TET1: variants seen among roughly 807,000 people sequenced by gnomAD.
The protein encoded by TET1 is tet methylcytosine dioxygenase 1.
In TET1, 13 loss-of-function variants were observed where a neutral mutation model predicts 148.7. That is an observed-to-expected ratio of 0.09 (90% CI 0.06 to 0.14). TET1 has a LOEUF of 0.14. TET1 is among the 10% of genes least tolerant of loss of function. The pLI, the probability that TET1 is intolerant of heterozygous loss-of-function variation, is 1.00. For missense variants in TET1, 2,182 were observed against 2,553.8 expected (o/e 0.85, Z 3.14); for synonymous variants, 907 against 937.2 (o/e 0.97, Z 0.59).
chr10:68,587,484 T>A (rs2053873690), intron 2 of TET1, among the ~76,000 whole-genome samples: 1 of 152,222 alleles, frequency 6.6e-6, no homozygotes, highest in Non-Finnish European at 1.5e-5. Flanking sequence ...GTTAAGTTGC[T>A]TTCCTTATTT....
Position 68,690,915 on chromosome 10 carries a change from C to A in TET1, c.5512C>A (p.Pro1838Thr). 1 of 1,614,244 alleles carries A rather than the reference C, an allele frequency of 6.2e-7. No individual in the cohort carries two copies. Among genetic ancestry groups the A allele is most frequent in the Non-Finnish European group, 8.5e-7 (1 of 1,180,040 alleles). ...AACTTATTCGCTGATGCCATCCGCT[C>A]CTCACCCAGTGAAAGAGGCATCTCC... ...TKTYSLMPSA[P>T]HPVKEASPGF... is the part of the protein sequence containing the mutation. Residue 1838 changes from proline to threonine, a missense_variant, in exon 12 of 12, where the codon CCT (proline) becomes ACT (threonine). This residue lies in a region of TET1 where 380 missense variants were observed against 387.9 expected (regional missense o/e 0.98). Coordinates refer to ENST00000373644, the MANE Select transcript of TET1 (RefSeq NM_030625.3).
At chr10:68,599,307 T>C (rs1418145176) in intron 2 of TET1, among the ~76,000 whole-genome samples, 1 of 152,214 alleles carries the variant, frequency 6.6e-6, no homozygotes, top group Admixed American at 6.5e-5. Flanking sequence ...CCTGCAAGGC[T>C]GGAGCTAGGG....
chr10:68,581,340 GT>G (rs2053795125), intron 2 of TET1, among the ~76,000 whole-genome samples: 1 of 152,018 alleles, frequency 6.6e-6, no homozygotes. Context: ...TTCGGTTAGG[GT>G]TTTCCTTCTA....
At position 68,693,336 on chromosome 10, in the gene TET1, A is replaced by G. The variant is rs1193505444; in HGVS notation, c.*1522A>G. The G allele has an allele frequency of 4.3e-6, 1 of 233,106 alleles. No individual in the cohort carries two copies. Among genetic ancestry groups the G allele is most frequent in the Non-Finnish European group, 8.5e-6 (1 of 117,852 alleles). The allele number at this position is 233,106 out of a possible 1,614,324, so 14.4% of individuals were successfully genotyped here. A position where few individuals can be genotyped will look rare whatever the true frequency, so the allele number is the denominator to read the frequency against. On this transcript the variant is annotated 3_prime_UTR_variant, in exon 12 of 12. Coordinates refer to ENST00000373644, the MANE Select transcript of TET1 (RefSeq NM_030625.3). The stretch of plus-strand genomic sequence containing the variant: ...CATTCAAAGTGTCAGATTCCTTGGG[A>G]GTATGGAAAACCTAATGGTGCTTCT...
At chr10:68,615,171 T>C (rs10998328) in intron 3 of TET1, among the ~76,000 whole-genome samples, 44,370 of 151,492 alleles carry the variant, frequency 0.29, 7,564 homozygotes, top group Middle Eastern at 0.4. Flanking sequence ...GACCTCGTGA[T>C]CCACCCGCCT....
chr10:68,611,469 T>C (rs139386860), intron 3 of TET1, among the ~76,000 whole-genome samples: 23 of 151,824 alleles, frequency 1.5e-4, no homozygotes, highest in Non-Finnish European at 1.9e-4. Flanking sequence ...CTGGGCAACA[T>C]AGCAAGACTC....
chr10:68,692,515 A>G lies in TET1; in HGVS notation c.*701A>G, dbSNP rs1446337093. 1 of 232,216 alleles carries G rather than the reference A, an allele frequency of 4.3e-6. No individual in the cohort carries two copies. The highest frequency in any genetic ancestry group is 2.2e-5 in the African/African-American group (1 of 45,302). 14.4% of individuals were successfully genotyped at this position (232,216 alleles called of 1,614,324 possible). ...CTATTGTTTGTGCATATTTGCATAC[A>G]AGAGAAATCATTTATCCTTGCTGTG... On this transcript the variant is annotated 3_prime_UTR_variant, in exon 12 of 12. Transcript: ENST00000373644.
At position 68,690,800 on chromosome 10, in the gene TET1, T is replaced by C. The variant is rs1490466277; in HGVS notation, c.5405-8T>C. 6.4e-7 allele frequency: 1 copy of C among 1,562,746 alleles called. No individual in the cohort carries two copies. The highest frequency in any genetic ancestry group is 8.7e-7 in the Non-Finnish European group (1 of 1,152,954). On this transcript the variant is annotated splice_region_variant and splice_polypyrimidine_tract_variant and intron_variant, in intron 11 of 11. Transcript: ENST00000373644. Reference sequence around the variant, plus strand: ...GTATTTTTCTTCACATTTGGTGTCCTTGTTTAGGGAGTAACACTGAGACCG... The same window carrying C: ...GTATTTTTCTTCACATTTGGTGTCCCTGTTTAGGGAGTAACACTGAGACCG...
intron 9 of TET1, among the ~76,000 whole-genome samples, chr10:68,681,768 A>G (rs891171338): frequency 3.9e-5 from 6 of 152,222 alleles, no homozygotes; most frequent in Middle Eastern, 3.4e-3. Flanking sequence ...GGAGTTCAAG[A>G]ATAGCCTGGC....
At chr10:68,686,282 C>T (rs899535906) in intron 10 of TET1, 74 bp from the exon 11 acceptor site, 24 of 1,293,284 alleles carry the variant, frequency 1.9e-5, no homozygotes, top group Middle Eastern at 2.8e-4. Context: ...GGCAACAACA[C>T]GAAGGTAGGA....
intron 10 of TET1, among the ~76,000 whole-genome samples, chr10:68,684,400 T>C (rs2055481639): frequency 6.9e-6 from 1 of 145,950 alleles, no homozygotes; most frequent in Non-Finnish European, 1.5e-5. Context: ...TTGCGTATCA[T>C]TCCTGTATAC....
intron 3 of TET1, among the ~76,000 whole-genome samples, chr10:68,628,115 T>A (rs2054514290): frequency 6.6e-6 from 1 of 152,018 alleles, no homozygotes; most frequent in Admixed American, 6.6e-5. Flanking sequence ...CCCAGCTAAT[T>A]TTTTGTATTT....
At position 68,560,370 on chromosome 10, in the gene TET1, G is replaced by A. The variant is rs2053536195; in HGVS notation, c.-495G>A. On this transcript the variant is annotated 5_prime_UTR_variant, in exon 1 of 12. Coordinates refer to ENST00000373644, the MANE Select transcript of TET1 (RefSeq NM_030625.3). ...AGGTCTGTCCTGGGGAGACACTGCT[G>A]CTCCGGGGGGCTGACCTGGCGGGGA... Among the ~76,000 whole-genome samples, 1 of 152,234 alleles carries A rather than the reference G, an allele frequency of 6.6e-6. No individual in the cohort carries two copies. The highest frequency in any genetic ancestry group is 2.4e-5 in the African/African-American group (1 of 41,468).
chr10:68,615,219 C>T (rs952554948), intron 3 of TET1, among the ~76,000 whole-genome samples: 1 of 152,116 alleles, frequency 6.6e-6, no homozygotes, highest in African/African-American at 2.4e-5. Flanking sequence ...GCTTGAGCCA[C>T]CGCTCCCAGC....
intron 3 of TET1, among the ~76,000 whole-genome samples, chr10:68,641,960 G>A (rs184694155): frequency 4.2e-4 from 64 of 152,120 alleles, no homozygotes; most frequent in African/African-American, 1.2e-3. Flanking sequence ...CACTGCATGC[G>A]GCTCTTTGTT....
chr10:68,587,495 C>T (rs1473920761), intron 2 of TET1, among the ~76,000 whole-genome samples: 1 of 152,090 alleles, frequency 6.6e-6, no homozygotes, highest in Non-Finnish European at 1.5e-5. Context: ...TTCCTTATTT[C>T]CCATTTTCTA....
At chr10:68,581,377 T>C (rs2053795466) in intron 2 of TET1, among the ~76,000 whole-genome samples, 1 of 152,208 alleles carries the variant, frequency 6.6e-6, no homozygotes, top group Non-Finnish European at 1.5e-5. Flanking sequence ...GAAAATACTA[T>C]AAATAGGGTA....
intron 2 of TET1, among the ~76,000 whole-genome samples, chr10:68,594,782 C>G: frequency 6.6e-6 from 1 of 151,968 alleles, no homozygotes; most frequent in African/African-American, 2.4e-5. Flanking sequence ...AGTTTAAGAC[C>G]AGCCTGGCCA....
At chr10:68,575,121 C>T (rs1385922868) in intron 2 of TET1, among the ~76,000 whole-genome samples, 5 of 152,156 alleles carry the variant, frequency 3.3e-5, no homozygotes, top group East Asian at 3.9e-4. Context: ...TGGTGGCTTA[C>T]GCCTGTAATC....
Sources: allele counts gnomAD v4.1 joint callset (sites outside exome capture counted in the v4.1 genomes callset), GRCh38; gene constraint gnomAD v4.1.1; regional missense constraint gnomAD v4.1.1; transcripts MANE v1.5; gene names NCBI Gene and HGNC (gene_info 2026-07-23, HGNC 2026-07-21).